AGXT: variants seen among roughly 807,000 people sequenced by gnomAD.
AGXT encodes the protein L-alanine: glyoxylate aminotransferase 1.
A neutral mutation model predicts 46.9 loss-of-function variants in AGXT; 41 were observed. The observed-to-expected ratio is 0.88, with a 90% CI of 0.68 to 1.14. The LOEUF (loss-of-function observed/expected upper bound fraction) is 1.14, where lower values mean the gene tolerates loss of function less well. AGXT is among the 50% of genes most tolerant of loss of function. The pLI, the probability that AGXT is intolerant of heterozygous loss-of-function variation, is 0.00. For missense variants in AGXT, 525 were observed against 522.7 expected, an observed-to-expected ratio of 1.00 and a Z score of -0.04; for synonymous variants, 244 against 227.9, an observed-to-expected ratio of 1.07 and a Z score of -0.64.
chr2:240,876,445 T>C (rs2059025200), intron 8 of AGXT, among the ~76,000 whole-genome samples: 1 of 152,156 alleles, frequency 6.6e-6, no homozygotes, highest in African/African-American at 2.4e-5. Context: ...AGGGGTTGAT[T>C]TGGCCACTGC....
At position 240,872,856 on chromosome 2, in the gene AGXT, G is replaced by A. The variant is rs565415245; in HGVS notation, c.525-123G>A. The A allele has an allele frequency of 1.2e-5, 10 of 825,830 alleles. No individual in the cohort carries two copies. In the Admixed American group the frequency reaches 1.2e-4, roughly 10 times the overall value. The allele number at this position is 825,830 out of a possible 1,614,324, so 51.2% of individuals were successfully genotyped here. ...CAACTGGCCAACTCCTGGGGTGGAGGTGGGAGGTGCCCTGCCTTCCTTGCC... is the reference window on the plus strand; with the variant it reads ...CAACTGGCCAACTCCTGGGGTGGAGATGGGAGGTGCCCTGCCTTCCTTGCC... On this transcript the variant is annotated intron_variant, in intron 4 of 10. Transcript: ENST00000307503.
intron 3 of AGXT, chr2:240,871,130 G>A (rs1309753478): frequency 3.9e-5 from 24 of 613,220 alleles, no homozygotes; most frequent in African/African-American, 3.5e-4. Context: ...CAGGCTGGGG[G>A]CACCCTCCTC....
chr2:240,872,676 C>G (rs1183803544), intron 4 of AGXT, among the ~76,000 whole-genome samples: 1 of 152,034 alleles, frequency 6.6e-6, no homozygotes, highest in Non-Finnish European at 1.5e-5. Context: ...ACAGACTGCC[C>G]GGCTGACCCT....
intron 5 of AGXT, 30 bp downstream of exon 5, chr2:240,873,079 G>A: frequency 6.3e-7 from 1 of 1,594,658 alleles, no homozygotes; most frequent in Non-Finnish European, 8.6e-7. Flanking sequence ...GCCCTACCCA[G>A]CCCAAGCAGC....
At position 240,874,004 on chromosome 2, in the gene AGXT, C is replaced by G. The variant is rs750264224; in HGVS notation, c.622C>G (p.Gln208Glu). Residue 208 changes from glutamine to glutamate, a missense_variant, in exon 6 of 11, where the codon CAG becomes GAG. By Grantham distance (29) the Gln-to-Glu change is conservative. Transcript: ENST00000307503. ...QGIDILYSGS[Q>E]KALNAPPGTS... is the part of the protein sequence containing the mutation. The stretch of plus-strand genomic sequence containing the variant: ...CATCGACATCCTGTACTCGGGCTCC[C>G]AGAAGGCCCTGAACGCCCCTCCAGG... 6 of 1,613,626 alleles carry G rather than the reference C, an allele frequency of 3.7e-6. No homozygotes were observed. In the Admixed American group the frequency reaches 1.0e-4, roughly 27 times the overall value.
At chr2:240,870,459 T>C (rs2106428179) in intron 2 of AGXT, among the ~76,000 whole-genome samples, 185 bp from the exon 3 acceptor site, 1 of 151,904 alleles carries the variant, frequency 6.6e-6, no homozygotes, top group South Asian at 2.1e-4. Context: ...AAGATGGCCC[T>C]GGCTCTACAC....
In AGXT at chr2:240,874,943, G is replaced by A. The variant is rs1220362715; in HGVS notation, c.681-166G>A. On this transcript the variant is annotated intron_variant, in intron 6 of 10. Coordinates refer to ENST00000307503, the MANE Select transcript of AGXT (RefSeq NM_000030.3). Reference sequence around the variant, plus strand: ...GGGACTGGACAGCTGAGGGACCCACGACCCACCCGGTCCCACTCTGGCCCC... The same window carrying A: ...GGGACTGGACAGCTGAGGGACCCACAACCCACCCGGTCCCACTCTGGCCCC... 3.9e-5 allele frequency among the ~76,000 whole-genome samples: 6 copies of A among 152,140 alleles called. No individual in the cohort carries two copies. In the East Asian group the frequency reaches 1.2e-3, roughly 29 times the overall value.
At chr2:240,876,774 G>T (rs556183779) in intron 8 of AGXT, 13 of 160,756 alleles carry the variant, frequency 8.1e-5, no homozygotes, top group Non-Finnish European at 1.5e-4. Context: ...CCGCACCCGC[G>T]GGGGAAGGCG....
At chr2:240,878,193 C>A (rs781175092) in intron 10 of AGXT, 43 bp downstream of exon 10, 2 of 1,608,342 alleles carry the variant, frequency 1.2e-6, no homozygotes, top group Admixed American at 3.3e-5. Context: ...AAACCAAACC[C>A]GCCACCCCTC....
rs886055842 is a variant in AGXT at position 240,877,620 on chromosome 2, C to A, written c.930C>A (p.Phe310Leu). 1 of 1,550,906 alleles carries A rather than the reference C, an allele frequency of 6.4e-7. No homozygotes were observed. Among genetic ancestry groups the A allele is most frequent in the Non-Finnish European group, 8.7e-7 (1 of 1,147,010 alleles). ...TGCAGGCACTGGGGCTGCAGCTCTT[C>A]GTGAAGGACCCGGTAAGGAGGCCCC... ...GRLQALGLQL[F>L]VKDPALRLPT... The change falls in exon 9 of 11, where the codon TTC becomes TTA. Residue 310 changes from phenylalanine to leucine, a missense_variant. Phe to Leu is a conservative substitution (Grantham distance 22). Transcript: ENST00000307503.
chr2:240,872,901 C>T, intron 4 of AGXT, 78 bp from the exon 5 acceptor site: 1 of 1,311,206 alleles, frequency 7.6e-7, no homozygotes, highest in East Asian at 2.3e-5. Flanking sequence ...CTCAGAAACC[C>T]CATCCAGCCT....
intron 2 of AGXT, among the ~76,000 whole-genome samples, 153 bp from the exon 3 acceptor site, chr2:240,870,491 A>G (rs1277931974): frequency 6.6e-6 from 1 of 152,152 alleles, no homozygotes; most frequent in Non-Finnish European, 1.5e-5. Context: ...CTCATTGGGC[A>G]GAGTCCACCC....
At chr2:240,873,371 C>T (rs777622791) in intron 5 of AGXT, 4 of 379,944 alleles carry the variant, frequency 1.1e-5, no homozygotes, top group East Asian at 5.4e-5. Context: ...GTCAATCAGG[C>T]GTTGGGCACC....
Position 240,869,268 on chromosome 2 carries a change from C to A in AGXT, c.264C>A (p.Ala88=), listed in dbSNP as rs35698882. The A allele has an allele frequency of 6.2e-7, 1 of 1,613,558 alleles. No homozygotes were observed. The highest frequency in any genetic ancestry group is 8.5e-7 in the Non-Finnish European group (1 of 1,179,976). Residue 88 remains alanine (A), a synonymous_variant, in exon 2 of 11, where the codon GCC becomes GCA. Transcript: ENST00000307503. Reference sequence around the variant, plus strand: ...GCTCGGGACACTGTGCCCTGGAGGCCGCCCTGGTCAATGTGCTGGAGCCTG... The same window carrying A: ...GCTCGGGACACTGTGCCCTGGAGGCAGCCCTGGTCAATGTGCTGGAGCCTG... ...ISGSGHCALE[A]ALVNVLEPGD... is the part of the protein sequence containing the mutation.
intron 2 of AGXT, 55 bp from the exon 3 acceptor site, chr2:240,870,589 A>G (rs2058985809): frequency 6.5e-7 from 1 of 1,544,546 alleles, no homozygotes; most frequent in Non-Finnish European, 8.7e-7. Flanking sequence ...GGTGCCCAAC[A>G]CTGGCTTCTA....
At chr2:240,878,631 C>A in intron 10 of AGXT, 83 bp from the exon 11 acceptor site, 1 of 1,333,670 alleles carries the variant, frequency 7.5e-7, no homozygotes, top group Non-Finnish European at 1.0e-6. Context: ...CAGGTGAGCC[C>A]ATCCTGGCTC....
chr2:240,871,311 C>T, intron 3 of AGXT, 38 bp from the exon 4 acceptor site: 3 of 1,534,382 alleles, frequency 2.0e-6, no homozygotes, highest in Non-Finnish European at 2.6e-6. Flanking sequence ...GGCCCCTGCC[C>T]CTCTGAGCTC....
Position 240,877,528 on chromosome 2 carries a change from C to A in AGXT, c.847-9C>A. 1 of 1,545,034 alleles carries A rather than the reference C, an allele frequency of 6.5e-7. No individual in the cohort carries two copies. Among genetic ancestry groups the A allele is most frequent in the East Asian group, 2.4e-5 (1 of 40,818 alleles). On this transcript the variant is annotated splice_polypyrimidine_tract_variant and intron_variant, in intron 8 of 10. Coordinates refer to ENST00000307503, the MANE Select transcript of AGXT (RefSeq NM_000030.3). ...ATGTCACTGCCCACCAGCGCCATCT[C>A]CCACACAGGGCCTGGAGAACAGCTG...
In AGXT at chr2:240,873,731, G is replaced by A. The variant is rs117981033; in HGVS notation, c.596-247G>A. Among the ~76,000 whole-genome samples the A allele has an allele frequency of 4.1e-3, 626 of 152,240 alleles. 23 individuals carry two copies. The East Asian group carries it at 0.072, about 18-fold the overall frequency. ...AGGGACACGGTGCCTGGGGTGGCAG[G>A]GCTGTCCCTGGGGACCAGCACAGCA... On this transcript the variant is annotated intron_variant, in intron 5 of 10. Transcript: ENST00000307503.
Sources: allele counts gnomAD v4.1 joint callset (sites outside exome capture counted in the v4.1 genomes callset), GRCh38; gene constraint gnomAD v4.1.1; transcripts MANE v1.5; gene names NCBI Gene and HGNC (gene_info 2026-07-23, HGNC 2026-07-21).